MAPKBP1: variants seen among roughly 807,000 people sequenced by gnomAD.
MAPKBP1 encodes mitogen-activated protein kinase-binding protein 1.
In MAPKBP1, 71 loss-of-function variants were observed where a neutral mutation model predicts 170.5. The observed-to-expected ratio is 0.42, with a 90% CI of 0.34 to 0.51. The LOEUF is 0.51. MAPKBP1 is among the 20% of genes least tolerant of loss of function. MAPKBP1 has a pLI of 0.06. For synonymous variants in MAPKBP1, 719 were observed against 757.9 expected (o/e 0.95, Z 0.84); for missense variants, 1,598 against 1,933.0 (o/e 0.83, Z 3.25).
rs148394675 is a variant in MAPKBP1, at chr15:41,823,484, C to A, written c.3636C>A (p.Gly1212=). 1 of 1,613,868 alleles carries A rather than the reference C, an allele frequency of 6.2e-7. No individual in the cohort carries two copies. Among genetic ancestry groups the A allele is most frequent in the African/African-American group, 1.3e-5 (1 of 75,046 alleles). Residue 1212 remains glycine, a synonymous_variant, in exon 29 of 31, where the codon GGC becomes GGA. Transcript: ENST00000457542. ...CCAGTCTGCAGGCCCCTTCACCAGG[C>A]GCACTGCTGTCTCGGGAGATCGAAG... ...HEASLQAPSP[G]ALLSREIEAQ...
intron 3 of MAPKBP1, among the ~76,000 whole-genome samples, chr15:41,800,820 A>G (rs1048119826): frequency 5.9e-5 from 9 of 152,232 alleles, no homozygotes; most frequent in Non-Finnish European, 8.8e-5. Flanking sequence ...TGGTATGATC[A>G]TGGCTGACTG....
At chr15:41,813,348 G>A (rs2064836640) in intron 8 of MAPKBP1, 1 of 1,527,268 alleles carries the variant, frequency 6.5e-7, no homozygotes, top group African/African-American at 1.4e-5. Context: ...CAGCTTCACA[G>A]TAAGTGGTGC....
At position 41,810,989 on chromosome 15, in the gene MAPKBP1, C is replaced by CT. The variant is rs775181068; in HGVS notation, c.269+45dup. 7 of 1,607,926 alleles carry CT rather than the reference C, an allele frequency of 4.4e-6. No homozygotes were observed. The African/African-American group carries it at 9.4e-5, about 21-fold the overall frequency. On this transcript the variant is annotated intron_variant, in intron 4 of 30. Coordinates refer to ENST00000457542, the MANE Select transcript of MAPKBP1 (RefSeq NM_014994.3). ...TCAGGATACCTCTTCCTTCTGGGAGCTATGAGAAGGGCACTGTCTAGAGTC... is the reference window on the plus strand; with the variant it reads ...TCAGGATACCTCTTCCTTCTGGGAGCTTATGAGAAGGGCACTGTCTAGAGTC...
At chr15:41,804,722 G>C (rs1022539279) in intron 3 of MAPKBP1, among the ~76,000 whole-genome samples, 1 of 152,256 alleles carries the variant, frequency 6.6e-6, no homozygotes, top group Admixed American at 6.5e-5. Context: ...ATGGTGTACA[G>C]GCTTTCCTGA....
rs2064857687 is a variant in MAPKBP1 at position 41,814,537 on chromosome 15, C to T, written c.981-13C>T. 6.2e-7 allele frequency: 1 copy of T among 1,612,988 alleles called. No homozygotes were observed. Among genetic ancestry groups the T allele is most frequent in the South Asian group, 1.1e-5 (1 of 91,020 alleles). The stretch of plus-strand genomic sequence containing the variant: ...CTTCAGTCTGACCAGTGTGCCCTGT[C>T]CTCTCCCTACAGTCGCCTCTTCTCT... On this transcript the variant is annotated splice_polypyrimidine_tract_variant and intron_variant, in intron 9 of 30. Coordinates refer to ENST00000457542, the MANE Select transcript of MAPKBP1 (RefSeq NM_014994.3).
intron 3 of MAPKBP1, among the ~76,000 whole-genome samples, chr15:41,807,696 G>T (rs2064724042): frequency 6.6e-6 from 1 of 152,146 alleles, no homozygotes; most frequent in African/African-American, 2.4e-5. Context: ...ATAGTGGCAG[G>T]CCTGGGGCTA....
chr15:41,825,071 C>T (rs910046250), intron 30 of MAPKBP1, 138 bp from the exon 31 acceptor site: 4 of 642,662 alleles, frequency 6.2e-6, no homozygotes, highest in South Asian at 2.1e-5. Context: ...CCCATGTTCC[C>T]TGGCCATACA....
intron 2 of MAPKBP1, among the ~76,000 whole-genome samples, chr15:41,798,583 C>T (rs2064537610): frequency 6.6e-6 from 1 of 151,904 alleles, no homozygotes; most frequent in South Asian, 2.1e-4. Flanking sequence ...GTACCTGGCC[C>T]CTCTAGGAGT....
chr15:41,792,004 G>A (rs2064404724), intron 2 of MAPKBP1, among the ~76,000 whole-genome samples: 1 of 150,700 alleles, frequency 6.6e-6, no homozygotes, highest in African/African-American at 2.4e-5. Flanking sequence ...GCTGTCAGCC[G>A]AGATCGTGCC....
chr15:41,812,378 C>A, intron 6 of MAPKBP1, 138 bp from the exon 7 acceptor site: 1 of 1,279,414 alleles, frequency 7.8e-7, no homozygotes, highest in Non-Finnish European at 1.1e-6. Context: ...ATTTCCCTAC[C>A]CCTCTTTTTC....
At position 41,810,948 on chromosome 15, in the gene MAPKBP1, A is replaced by G. The variant is rs2064794183; in HGVS notation, c.269+3A>G. 4 of 1,614,086 alleles carry G rather than the reference A, an allele frequency of 2.5e-6. No individual in the cohort carries two copies. The South Asian group carries it at 4.4e-5, about 18-fold the overall frequency. ...CACCACATCCTCAACAGTTCCAGGT[A>G]AATGGGCTGGGGTCCTCAGGATACC... On this transcript the variant is annotated splice_donor_region_variant and intron_variant, in intron 4 of 30. Transcript: ENST00000457542.
Position 41,812,013 on chromosome 15 carries a change from C to T in MAPKBP1, c.384C>T (p.Ala128=), listed in dbSNP as rs763722587. 4.3e-6 allele frequency: 7 copies of T among 1,613,938 alleles called. No homozygotes were observed. Among genetic ancestry groups the T allele is most frequent in the African/African-American group, 2.7e-5 (2 of 74,870 alleles). The part of the protein sequence containing the change: ...VWDVAEHSQV[A]ELQEHKYGVA... ...ACGTGGCAGAGCACAGCCAGGTGGC[C>T]GAGCTGCAGGAGCACAAGTATGGTG... is the stretch of plus-strand genomic sequence containing the variant. Residue 128 remains alanine, a synonymous_variant, in exon 6 of 31, where the codon GCC becomes GCT. Coordinates refer to ENST00000457542, the MANE Select transcript of MAPKBP1 (RefSeq NM_014994.3).
In MAPKBP1 at chr15:41,825,810, A is replaced by T. The variant is rs185978107; in HGVS notation, c.*374A>T. The T allele has an allele frequency of 3.4e-5, 6 of 178,830 alleles. No homozygotes were observed. Among genetic ancestry groups the T allele is most frequent in the Non-Finnish European group, 1.2e-5 (1 of 85,126 alleles). The allele number at this position is 178,830 out of a possible 1,614,324, so 11.1% of individuals were successfully genotyped here. On this transcript the variant is annotated 3_prime_UTR_variant, in exon 31 of 31. Coordinates refer to ENST00000457542, the MANE Select transcript of MAPKBP1 (RefSeq NM_014994.3). ...AGGGATTAGCTCCCTGTGGTGGAGC[A>T]TACACAGGGTACTCTGGGGTCGAGG... is the stretch of plus-strand genomic sequence containing the variant.
In MAPKBP1 at chr15:41,826,553, C is replaced by T. The variant is rs1275370899; in HGVS notation, c.*1117C>T. 6.6e-6 allele frequency: 1 copy of T among 151,920 alleles called. No individual in the cohort carries two copies. Among genetic ancestry groups the T allele is most frequent in the African/African-American group, 2.4e-5 (1 of 41,328 alleles). The allele number at this position is 151,920 out of a possible 1,614,324, so 9.4% of individuals were successfully genotyped here. A position where few individuals can be genotyped will look rare whatever the true frequency, so the allele number is the denominator to read the frequency against. ...CAGGGAGCAGAAAAGGGGTGCAGTA[C>T]ACTAAGTGAACCCAGATTCTGGATT... On this transcript the variant is annotated 3_prime_UTR_variant, in exon 31 of 31. Coordinates refer to ENST00000457542, the MANE Select transcript of MAPKBP1 (RefSeq NM_014994.3).
chr15:41,791,094 G>A (rs1333597041), intron 2 of MAPKBP1, among the ~76,000 whole-genome samples: 1 of 152,096 alleles, frequency 6.6e-6, no homozygotes, highest in Non-Finnish European at 1.5e-5. Context: ...GCCTTGGACA[G>A]GTCTCTGACA....
intron 29 of MAPKBP1, 25 bp from the exon 30 acceptor site, chr15:41,824,459 A>G: frequency 1.3e-6 from 2 of 1,565,198 alleles, no homozygotes; most frequent in South Asian, 2.3e-5. Flanking sequence ...GCTGGGCCTC[A>G]CTGAGCTGTA....
chr15:41,824,683 C>A, intron 30 of MAPKBP1, 114 bp downstream of exon 30: 1 of 1,044,842 alleles, frequency 9.6e-7, no homozygotes, highest in Non-Finnish European at 1.4e-6. Context: ...GGATGGCACA[C>A]TCAAGAACAT....
In MAPKBP1 at chr15:41,810,877, C is replaced by T. The variant is rs2064793227; in HGVS notation, c.207-6C>T. 6.2e-7 allele frequency: 1 copy of T among 1,614,146 alleles called. No homozygotes were observed. Among genetic ancestry groups the T allele is most frequent in the East Asian group, 2.2e-5 (1 of 44,890 alleles). The stretch of plus-strand genomic sequence containing the variant: ...TGCTGAGCCTGTTGTCTGCTCATCT[C>T]CTCAGGTGTGTGGTTGTGTTGTTCA... On this transcript the variant is annotated splice_polypyrimidine_tract_variant and splice_region_variant and intron_variant, in intron 3 of 30. Transcript: ENST00000457542.
At position 41,777,641 on chromosome 15, in the gene MAPKBP1, C is replaced by T. The variant is rs78125255; in HGVS notation, c.114+2252C>T. Among the ~76,000 whole-genome samples the T allele has an allele frequency of 4.8e-3, 736 of 152,154 alleles. 3 individuals carry two copies. The highest frequency in any genetic ancestry group is 0.017 in the African/African-American group (715 of 41,488). On this transcript the variant is annotated intron_variant, in intron 2 of 30. Transcript: ENST00000457542. ...CCCAAGAGGAGTAGCTGTCTTTGTG[C>T]GCCCAGGACCCTAGAGATGCCAGAC...
Sources: gnomAD v4.1 joint callset for allele counts (sites outside exome capture counted in the v4.1 genomes callset) on GRCh38, gnomAD v4.1.1 for gene constraint, MANE v1.5 for transcripts, NCBI Gene and HGNC (gene_info 2026-07-23, HGNC 2026-07-21) for gene names.